The following ZFAND4 variants were observed in gnomAD, a reference collection of about 807,000 sequenced individuals.
ZFAND4 encodes the protein zinc finger AN1-type containing 4.
A neutral mutation model predicts 64.4 loss-of-function variants in ZFAND4; 43 were observed. The observed-to-expected ratio is 0.67, with a 90% confidence interval of 0.52 to 0.86. The LOEUF is 0.86. Ranked by LOEUF, ZFAND4 falls within the 40% of genes least tolerant of loss-of-function variation. ZFAND4 has a pLI of 0.00. For synonymous variants in ZFAND4, 296 were observed against 305.7 expected (o/e 0.97, Z 0.33); for missense variants, 929 against 859.8 (o/e 1.08, Z -1.01).
At chr10:45,636,787 GTGT>G (rs2046626039) in intron 6 of ZFAND4, among the ~76,000 whole-genome samples, 1 of 152,126 alleles carries the variant, frequency 6.6e-6, no homozygotes, top group South Asian at 2.1e-4. Context: ...AGGTTGATTA[GTGT>G]TGTTCAAGTC....
In ZFAND4 at chr10:45,635,454, A is replaced by C. The variant is rs2046531654; in HGVS notation, c.717+4362T>G. 2.6e-5 allele frequency among the ~76,000 whole-genome samples: 4 copies of C among 152,138 alleles called. 1 individual carries two copies. The South Asian group carries it at 8.3e-4, about 32-fold the overall frequency. On this transcript the variant is annotated intron_variant, in intron 6 of 9. Transcript: ENST00000344646. ...TCTCTTCAATAAATAATGTTGGGAAAACTGGATCCACATGCAGAAGAATGA... is the reference window on the plus strand; with the variant it reads ...TCTCTTCAATAAATAATGTTGGGAACACTGGATCCACATGCAGAAGAATGA...
chr10:45,642,363 T>C (rs1237798884), intron 5 of ZFAND4, among the ~76,000 whole-genome samples: 2 of 152,110 alleles, frequency 1.3e-5, no homozygotes, highest in Admixed American at 6.5e-5. Context: ...ATCCCAGCAC[T>C]TTGGGAGGCC....
chr10:45,626,982 G>T lies in ZFAND4; in HGVS notation c.841C>A (p.Pro281Thr), dbSNP rs751807094. The T allele has an allele frequency of 3.7e-6, 6 of 1,614,104 alleles. No homozygotes were observed. Among genetic ancestry groups the T allele is most frequent in the Non-Finnish European group, 3.4e-6 (4 of 1,179,970 alleles). The change falls in exon 7 of 10, where the codon CCT becomes ACT. Residue 281 changes from proline to threonine, a missense_variant. Coordinates refer to ENST00000344646, the MANE Select transcript of ZFAND4 (RefSeq NM_174890.4). ...VLPNIGQSCS[P>T]AFGNAYPPEI... ...GGCGGATATGCATTCCCAAAAGCAG[G>T]TGAACAAGATTGACCAATGTTGGGG...
At chr10:45,652,423 G>A (rs2047816780) in intron 3 of ZFAND4, among the ~76,000 whole-genome samples, 1 of 152,144 alleles carries the variant, frequency 6.6e-6, no homozygotes, top group Non-Finnish European at 1.5e-5. Context: ...CTGACTCTCA[G>A]TGCTCTTACA....
intron 8 of ZFAND4, among the ~76,000 whole-genome samples, chr10:45,619,185 C>T (rs773792250): frequency 4.6e-5 from 7 of 151,788 alleles, no homozygotes; most frequent in African/African-American, 9.7e-5. Context: ...ACTATGGGCA[C>T]GCACCACCAC....
intron 5 of ZFAND4, among the ~76,000 whole-genome samples, chr10:45,647,386 C>G (rs2047458011): frequency 6.6e-6 from 1 of 151,022 alleles, no homozygotes; most frequent in African/African-American, 2.4e-5. Context: ...TGTGCCTGGA[C>G]TCCTGATCCA....
At chr10:45,654,741 A>G (rs1407574424) in intron 2 of ZFAND4, among the ~76,000 whole-genome samples, 1 of 152,200 alleles carries the variant, frequency 6.6e-6, no homozygotes, top group African/African-American at 2.4e-5. Flanking sequence ...TAAAGCAACA[A>G]TATTACAAAA....
intron 5 of ZFAND4, among the ~76,000 whole-genome samples, chr10:45,643,761 T>C (rs989299145): frequency 1.3e-5 from 2 of 151,708 alleles, no homozygotes; most frequent in Admixed American, 6.6e-5. Context: ...GCATTTTGTA[T>C]CAGAATGAAA....
chr10:45,632,607 G>T (rs940870773), intron 6 of ZFAND4, among the ~76,000 whole-genome samples: 8 of 152,012 alleles, frequency 5.3e-5, no homozygotes, highest in Non-Finnish European at 8.8e-5. Context: ...GGCAGATCAA[G>T]AACATGATAA....
chr10:45,661,941 GAA>G (rs766075300), intron 2 of ZFAND4, among the ~76,000 whole-genome samples: 66 of 101,046 alleles, frequency 6.5e-4, no homozygotes, highest in African/African-American at 1.6e-3. Flanking sequence ...CCGTCTCGAA[GAA>G]AAAAAAAAAA....
intron 6 of ZFAND4, among the ~76,000 whole-genome samples, chr10:45,637,076 C>T (rs981699460): frequency 6.6e-5 from 10 of 151,506 alleles, no homozygotes; most frequent in African/African-American, 2.4e-4. Flanking sequence ...CGCGGTGGCT[C>T]GCTCCTGTAA....
intron 1 of ZFAND4, among the ~76,000 whole-genome samples, chr10:45,669,051 A>G (rs1214940553): frequency 2.0e-5 from 3 of 152,246 alleles, no homozygotes; most frequent in Non-Finnish European, 4.4e-5. Flanking sequence ...CTAAGATCAG[A>G]GCAGAACTGA....
At chr10:45,631,094 G>A (rs1031817812) in intron 6 of ZFAND4, among the ~76,000 whole-genome samples, 1 of 151,952 alleles carries the variant, frequency 6.6e-6, no homozygotes, top group Non-Finnish European at 1.5e-5. Flanking sequence ...CGAGGCGGGC[G>A]GATCACCAGG....
intron 7 of ZFAND4, among the ~76,000 whole-genome samples, chr10:45,625,047 T>C (rs1454432343): frequency 6.6e-6 from 1 of 151,136 alleles, no homozygotes; most frequent in Non-Finnish European, 1.5e-5. Context: ...CATGGTGGCA[T>C]GTGCCTGTAG....
At chr10:45,657,531 C>G (rs905546465) in intron 2 of ZFAND4, among the ~76,000 whole-genome samples, 2 of 152,080 alleles carry the variant, frequency 1.3e-5, no homozygotes, top group African/African-American at 2.4e-5. Context: ...AATAATTTAG[C>G]AGTTTTATAA....
At chr10:45,662,565 G>T (rs2133851325) in intron 2 of ZFAND4, 1 of 982,120 alleles carries the variant, frequency 1.0e-6, no homozygotes, top group Non-Finnish European at 1.2e-6. Context: ...AAACTATCAT[G>T]ACTCTAGATC....
At position 45,651,953 on chromosome 10, in the gene ZFAND4, T is replaced by C. The variant is rs1323678857; in HGVS notation, c.328+13A>G. The C allele has an allele frequency of 6.2e-7, 1 of 1,610,170 alleles. No homozygotes were observed. The highest frequency in any genetic ancestry group is 1.7e-5 in the Admixed American group (1 of 59,978). On this transcript the variant is annotated intron_variant, in intron 4 of 9. Coordinates refer to ENST00000344646, the MANE Select transcript of ZFAND4 (RefSeq NM_174890.4). ...GTTACTGTCAAATTGCTTTAATATA[T>C]ATATATGCCTACCTCTTCTAGTATT...
At chr10:45,638,119 A>C (rs941286949) in intron 6 of ZFAND4, among the ~76,000 whole-genome samples, 2 of 152,218 alleles carry the variant, frequency 1.3e-5, no homozygotes, top group African/African-American at 4.8e-5. Context: ...TGACAATATC[A>C]AGTGTTGACA....
At chr10:45,667,339 C>A (rs1166923365) in intron 1 of ZFAND4, among the ~76,000 whole-genome samples, 1 of 151,800 alleles carries the variant, frequency 6.6e-6, no homozygotes, top group Non-Finnish European at 1.5e-5. Flanking sequence ...CTGTTTATTT[C>A]GTTCATTTAG....
Sources: gnomAD v4.1 joint callset for allele counts (sites outside exome capture counted in the v4.1 genomes callset) on GRCh38, gnomAD v4.1.1 for gene constraint, MANE v1.5 for transcripts, NCBI Gene and HGNC (gene_info 2026-07-23, HGNC 2026-07-21) for gene names.